Variants in NOD2 observed in about 807,000 individuals in gnomAD.
NOD2 encodes the protein nucleotide binding oligomerization domain containing 2, also known as nucleotide-binding oligomerization domain-containing protein 2.
NOD2 carries 86 observed loss-of-function variants against 90.9 expected under a neutral mutation model. The observed-to-expected ratio is 0.95, with a 90% CI of 0.79 to 1.13. The LOEUF is 1.13. Among genes scored for constraint, NOD2 ranks in the 50% most tolerant of loss-of-function variants. NOD2 has a pLI of 0.00. For missense variants in NOD2, 1,238 were observed against 1,283.8 expected (o/e 0.96, Z 0.55); for synonymous variants, 581 against 554.6 (o/e 1.05, Z -0.67).
chr16:50,694,648 C>T (rs374734242), intron 1 of NOD2, among the ~76,000 whole-genome samples: 3 of 152,238 alleles, frequency 2.0e-5, no homozygotes, highest in East Asian at 1.9e-4. Context: ...TTTCCTTTAG[C>T]TAAAATCTGT....
chr16:50,721,293 C>A (rs1039128850), intron 7 of NOD2, among the ~76,000 whole-genome samples: 4 of 151,620 alleles, frequency 2.6e-5, no homozygotes. Flanking sequence ...ATTAGGGCAC[C>A]TGTCTGGGCC....
chr16:50,716,790 G>A (rs1964818730), intron 5 of NOD2, 101 bp from the exon 6 acceptor site: 3 of 1,455,388 alleles, frequency 2.1e-6, no homozygotes, highest in East Asian at 4.5e-5. Flanking sequence ...GATGGGGGGT[G>A]CAGGTGATTC....
At chr16:50,716,732 C>T in intron 5 of NOD2, 62 bp downstream of exon 5, 3 of 1,557,528 alleles carry the variant, frequency 1.9e-6, no homozygotes, top group Non-Finnish European at 2.7e-6. Flanking sequence ...CCAGGTCGTG[C>T]AGCCTGGGAA....
intron 6 of NOD2, among the ~76,000 whole-genome samples, chr16:50,718,894 TG>T (rs1245270542): frequency 2.0e-5 from 3 of 152,138 alleles, no homozygotes; most frequent in Non-Finnish European, 4.4e-5. Flanking sequence ...ACCCATTTAT[TG>T]GGGAAAAGTC....
intron 10 of NOD2, among the ~76,000 whole-genome samples, chr16:50,726,739 A>G (rs1298794086): frequency 6.6e-6 from 1 of 152,238 alleles, no homozygotes; most frequent in Non-Finnish European, 1.5e-5. Flanking sequence ...TCAGCATCCT[A>G]AACTATATCA....
chr16:50,717,369 G>A (rs949050953), intron 6 of NOD2, among the ~76,000 whole-genome samples: 1 of 152,164 alleles, frequency 6.6e-6, no homozygotes, highest in Non-Finnish European at 1.5e-5. Flanking sequence ...ACTCCCAGGA[G>A]GTCCTTTCAC....
Position 50,712,632 on chromosome 16 carries a change from T to TG in NOD2, c.2381+261dup, listed in dbSNP as rs5743282. On this transcript the variant is annotated intron_variant, in intron 4 of 11. Transcript: ENST00000647318. The stretch of plus-strand genomic sequence containing the variant: ...CCTCATCTAATCTCTACAACCACCC[T>TG]GGCGGGTAGGCAGGAATGTTATTAT... The TG allele has an allele frequency of 1.0e-3, 583 of 563,560 alleles. 3 individuals carry two copies. Among genetic ancestry groups the TG allele is most frequent in the African/African-American group, 0.01 (541 of 53,236 alleles). 34.9% of individuals were successfully genotyped at this position (563,560 alleles called of 1,614,324 possible). A position where few individuals can be genotyped will look rare whatever the true frequency, so the allele number is the denominator to read the frequency against.
intron 1 of NOD2, 122 bp from the exon 2 acceptor site, chr16:50,699,366 T>C: frequency 2.6e-6 from 2 of 774,010 alleles, no homozygotes; most frequent in East Asian, 4.9e-5. Context: ...GATTGGGTAA[T>C]GTCTGAGGCT....
intron 3 of NOD2, 115 bp from the exon 4 acceptor site, chr16:50,710,443 G>T: frequency 2.1e-6 from 3 of 1,441,354 alleles, no homozygotes; most frequent in Non-Finnish European, 2.9e-6. Context: ...ATGGGCGCCC[G>T]CTGGCTCTCC....
chr16:50,710,605 G>T lies in NOD2; in HGVS notation c.613G>T (p.Ala205Ser). The change falls in exon 4 of 12, where the codon GCT becomes TCT. Residue 205 changes from alanine (A) to serine (S), a missense_variant. Coordinates refer to ENST00000647318, the MANE Select transcript of NOD2 (RefSeq NM_001370466.1). ...GGCCAAGCTGAGGACCACGGTGTCT[G>T]CTCAGTCTCGCTTCCTCAGTACCTA... ...YMAKLRTTVS[A>S]QSRFLSTYDG... 1 of 1,614,178 alleles carries T rather than the reference G, an allele frequency of 6.2e-7. No homozygotes were observed. Among genetic ancestry groups the T allele is most frequent in the South Asian group, 1.1e-5 (1 of 91,082 alleles).
chr16:50,704,867 A>G (rs1390245747), intron 2 of NOD2, among the ~76,000 whole-genome samples: 1 of 152,226 alleles, frequency 6.6e-6, no homozygotes, highest in East Asian at 1.9e-4. Context: ...ATTTTCTTTT[A>G]GTCCCCAGAA....
chr16:50,732,194 G>C lies in NOD2; in HGVS notation c.*375G>C, dbSNP rs563749168. 8.1e-6 allele frequency: 3 copies of C among 372,534 alleles called. No individual in the cohort carries two copies. The highest frequency in any genetic ancestry group is 2.1e-5 in the African/African-American group (1 of 47,596). The allele number at this position is 372,534 out of a possible 1,614,324, so 23.1% of individuals were successfully genotyped here. A position where few individuals can be genotyped will look rare whatever the true frequency, so the allele number is the denominator to read the frequency against. On this transcript the variant is annotated 3_prime_UTR_variant, in exon 12 of 12. Coordinates refer to ENST00000647318, the MANE Select transcript of NOD2 (RefSeq NM_001370466.1). ...TGAGTGCCTTTTGGTGGAGAGGCCC[G>C]GCCTCTCACAAAAGACCCCTTACCA...
At chr16:50,716,826 G>T in intron 5 of NOD2, 65 bp from the exon 6 acceptor site, 1 of 1,549,614 alleles carries the variant, frequency 6.5e-7, no homozygotes, top group Non-Finnish European at 8.9e-7. Flanking sequence ...GGGCAACCCT[G>T]GGATTTGGTG....
intron 4 of NOD2, chr16:50,713,531 G>T (rs986486911): frequency 8.5e-5 from 13 of 152,274 alleles, no homozygotes; most frequent in Non-Finnish European, 1.8e-4. Flanking sequence ...TATATGCAAT[G>T]AATGTAAATA....
At chr16:50,694,543 C>T (rs1324459529) in intron 1 of NOD2, among the ~76,000 whole-genome samples, 1 of 152,206 alleles carries the variant, frequency 6.6e-6, no homozygotes, top group African/African-American at 2.4e-5. Context: ...CAGCCCACCT[C>T]CCTCCTACCC....
chr16:50,720,271 G>T (rs993605568), intron 7 of NOD2, among the ~76,000 whole-genome samples: 7 of 152,184 alleles, frequency 4.6e-5, no homozygotes, highest in Admixed American at 4.6e-4. Flanking sequence ...ATCCTCAGGG[G>T]GCGCTAGGGC....
rs201035873 is a variant in NOD2, at chr16:50,719,998, C to A, written c.2623C>A (p.Gln875Lys). The A allele has an allele frequency of 1.2e-4, 197 of 1,614,084 alleles. 1 individual carries two copies. The East Asian group carries it at 3.7e-3, about 30-fold the overall frequency. The stretch of plus-strand genomic sequence containing the variant: ...GGGGCTCCGAGGCAACACCTCCTTG[C>A]AGTTCCTGGGGTAGGTTGGATTCCA... ...AEGLRGNTSL[Q>K]FLGFWGNRVG... The change falls in exon 7 of 12, where the codon CAG (glutamine) becomes AAG (lysine). Residue 875 changes from glutamine (Q) to lysine (K), a missense_variant. Gln to Lys is a moderately conservative substitution (Grantham distance 53, BLOSUM62 1). Around this residue, in one of 3 missense-constraint regions of NOD2, gnomAD observed 667 missense variants for 688.7 expected, o/e 0.97. Transcript: ENST00000647318.
intron 7 of NOD2, among the ~76,000 whole-genome samples, chr16:50,721,776 A>T (rs1013985154): frequency 1.3e-5 from 2 of 152,194 alleles, no homozygotes; most frequent in African/African-American, 4.8e-5. Context: ...TACACAAGTG[A>T]GCCACCTTGC....
intron 8 of NOD2, 95 bp from the exon 9 acceptor site, chr16:50,723,206 C>A: frequency 1.1e-6 from 1 of 910,218 alleles, no homozygotes. Flanking sequence ...ATGGAGCAGA[C>A]CAGGAGAGCA....
Sources: gnomAD v4.1 joint callset for allele counts (sites outside exome capture counted in the v4.1 genomes callset) on GRCh38, gnomAD v4.1.1 for gene constraint, gnomAD v4.1.1 regional missense constraint, MANE v1.5 for transcripts, NCBI Gene and HGNC (gene_info 2026-07-23, HGNC 2026-07-21) for gene names.